TTN: variants seen among roughly 807,000 people sequenced by gnomAD.
The protein encoded by TTN is titin.
A neutral mutation model predicts 3,223.0 loss-of-function variants in TTN; 1,525 were observed. The observed-to-expected ratio is 0.47, with a 90% confidence interval of 0.45 to 0.49. The LOEUF (loss-of-function observed/expected upper bound fraction) is 0.49. Among genes scored for constraint, TTN ranks in the 20% least tolerant of loss-of-function variants. TTN has a pLI of 0.00. For synonymous variants in TTN, 14,094 were observed against 15,161.0 expected (o/e 0.93, Z 5.17); for missense variants, 40,786 against 43,424.0 (o/e 0.94, Z 5.40).
intron 125 of TTN, 26 bp downstream of exon 125, chr2:178,689,027 T>TTTATA: frequency 8.8e-7 from 1 of 1,131,070 alleles, no homozygotes; most frequent in South Asian, 1.5e-5. Flanking sequence ...TTTTTTTTTT[T>TTTATA]GTCAGAGGAT....
At chr2:178,781,087 T>C in intron 21 of TTN, 34 bp downstream of exon 21, 1 of 1,613,514 alleles carries the variant, frequency 6.2e-7, no homozygotes, top group Non-Finnish European at 8.5e-7. Context: ...ATTTCAGTTC[T>C]TATCATGCAC....
Position 178,543,166 on chromosome 2 carries a change from T to A in TTN, c.96807A>T (p.Glu32269Asp), listed in dbSNP as rs876658095. 2.5e-6 allele frequency: 4 copies of A among 1,613,580 alleles called. No individual in the cohort carries two copies. The highest frequency in any genetic ancestry group is 2.5e-6 in the Non-Finnish European group (3 of 1,179,614). ...TTATTCTAAATAAGTATTGTTCACC[T>A]TCATTTAAGGAAGTAACAGTGTGCT... is the stretch of plus-strand genomic sequence containing the variant. Reference protein sequence around the residue: ...VLEHTVTSLNEGEQYLFRIRA... With the variant: ...VLEHTVTSLNDGEQYLFRIRA... The change falls in exon 347 of 363, where the codon GAA (glutamate) becomes GAT (aspartate). Residue 32269 changes from glutamate to aspartate, a missense_variant. Transcript: ENST00000589042.
At chr2:178,795,298 G>A (rs2093707617) in intron 6 of TTN, 46 bp from the exon 7 acceptor site, 1 of 1,567,980 alleles carries the variant, frequency 6.4e-7, no homozygotes, top group Non-Finnish European at 8.8e-7. Context: ...GCAAGGAGGG[G>A]TAACTGGATG....
rs1178003589 is a variant in TTN at position 178,580,440 on chromosome 2, A to T, written c.66939T>A (p.Thr22313=). 1 of 1,613,258 alleles carries T rather than the reference A, an allele frequency of 6.2e-7. No homozygotes were observed. Among genetic ancestry groups the T allele is most frequent in the Non-Finnish European group, 8.5e-7 (1 of 1,179,484 alleles). ...CACAGCGCAAGAAAGTGTCAAAGTC[A>T]GTTGACTTTATGTCCAGTCCAATCC... ...RDRIGLDIKS[T]DFDTFLRCEN... Residue 22313 remains threonine, a synonymous_variant, in exon 317 of 363, where the codon ACT becomes ACA. Transcript: ENST00000589042.
intron 43 of TTN, among the ~76,000 whole-genome samples, chr2:178,762,171 G>A (rs2089391775): frequency 6.6e-6 from 1 of 152,126 alleles, no homozygotes; most frequent in Non-Finnish European, 1.5e-5. Context: ...CCTGGCCAGA[G>A]GAAGTTCTGT....
Position 178,749,414 on chromosome 2 carries a change from G to C in TTN, c.11311+3710C>G, listed in dbSNP as rs534431318. The C allele has an allele frequency of 5.0e-6, 8 of 1,613,036 alleles. No homozygotes were observed. The Admixed American group carries it at 5.0e-5, about 10-fold the overall frequency. On this transcript the variant is annotated intron_variant, in intron 47 of 362. Transcript: ENST00000589042. ...CACAAATCTGGGAATTTTTTCTCTA[G>C]AAGGTATGCAACGCACCTGCTCTTT... is the stretch of plus-strand genomic sequence containing the variant.
In TTN at chr2:178,560,749, A is replaced by G. The variant is rs886055235; in HGVS notation, c.85383T>C (p.Asn28461=). 10 of 1,613,636 alleles carry G rather than the reference A, an allele frequency of 6.2e-6. No homozygotes were observed. The African/African-American group carries it at 6.7e-5, about 11-fold the overall frequency. Residue 28461 remains asparagine, a synonymous_variant, in exon 326 of 363, where the codon AAT becomes AAC. Coordinates refer to ENST00000589042, the MANE Select transcript of TTN (RefSeq NM_001267550.2). ...GAGAGCATTTCTCAGCAGTGAGGCC[A>G]TTTATTTCAAGTGGTCCTGCTGGTG... is the stretch of plus-strand genomic sequence containing the variant. The part of the protein sequence containing the change: ...PGPPAGPLEI[N]GLTAEKCSLS...
chr2:178,635,330 A>C, intron 227 of TTN, 26 bp from the exon 228 acceptor site: 1 of 1,611,758 alleles, frequency 6.2e-7, no homozygotes, highest in African/African-American at 1.3e-5. Context: ...ATGAAGTAAC[A>C]TAATGCTTTA....
Position 178,776,748 on chromosome 2 carries a change from T to C in TTN, c.5116A>G (p.Lys1706Glu). Residue 1706 changes from lysine to glutamate, a missense_variant, in exon 28 of 363, where the codon AAG becomes GAG. Physicochemically the swap from Lys to Glu is moderately conservative, Grantham distance 56 (BLOSUM62 1). Transcript: ENST00000589042. ...AGTCTTAAGGAAGTGAGTTTTTTCT[T>C]GAAAAATGGTTTCTGTTGTTTCTCT... ...DKEKQQKPFF[K>E]KKLTSLRLKR... The C allele has an allele frequency of 5.6e-6, 9 of 1,614,118 alleles. No individual in the cohort carries two copies. Among genetic ancestry groups the C allele is most frequent in the Non-Finnish European group, 7.6e-6 (9 of 1,180,010 alleles).
chr2:178,698,952 T>A, intron 111 of TTN, 38 bp from the exon 112 acceptor site: 1 of 1,481,850 alleles, frequency 6.7e-7, no homozygotes, highest in Non-Finnish European at 8.9e-7. Flanking sequence ...GAAAAAATAT[T>A]TCTGGTGTAA....
At chr2:178,588,287 T>C (rs573090783) in intron 304 of TTN, 68 bp from the exon 305 acceptor site, 21 of 1,381,862 alleles carry the variant, frequency 1.5e-5, no homozygotes, top group Non-Finnish European at 2.0e-5. Flanking sequence ...TTATATAGCC[T>C]ATTCTCAGTT....
At chr2:178,671,410 G>A (rs2066947222) in intron 155 of TTN, among the ~76,000 whole-genome samples, 1 of 151,588 alleles carries the variant, frequency 6.6e-6, no homozygotes, top group Non-Finnish European at 1.5e-5. Flanking sequence ...GTTAATTTGT[G>A]CAAGATCTAG....
At chr2:178,770,039 A>T (rs1191709749) in intron 36 of TTN, 21 bp downstream of exon 36, 1 of 1,614,068 alleles carries the variant, frequency 6.2e-7, no homozygotes, top group Non-Finnish European at 8.5e-7. Context: ...AAAGGGCTGT[A>T]GGGGGCTGCC....
chr2:178,695,777 C>A, intron 114 of TTN, 88 bp downstream of exon 114: 1 of 1,070,492 alleles, frequency 9.3e-7, no homozygotes, highest in Non-Finnish European at 1.3e-6. Flanking sequence ...TTCACATAAA[C>A]TGCAAATCAG....
At position 178,562,640 on chromosome 2, in the gene TTN, T is replaced by C. The variant is rs758772714; in HGVS notation, c.83492A>G (p.Gln27831Arg). The C allele has an allele frequency of 3.1e-6, 5 of 1,602,934 alleles. No homozygotes were observed. Among genetic ancestry groups the C allele is most frequent in the Non-Finnish European group, 4.3e-6 (5 of 1,176,328 alleles). The change falls in exon 326 of 363, where the codon CAA (glutamine) becomes CGA (arginine). Residue 27831 changes from glutamine (Q) to arginine (R), a missense_variant. Physicochemically the swap from Gln to Arg is conservative, Grantham distance 43. Coordinates refer to ENST00000589042, the MANE Select transcript of TTN (RefSeq NM_001267550.2). ...TCGGAAGTAGTAAGAACATCCTTCT[T>C]GTAGATTTTCAATTCTGAAAGTAGT... Reference protein sequence around the residue: ...TKTTFRIENLQEGCSYYFRVL... With the variant: ...TKTTFRIENLREGCSYYFRVL...
chr2:178,653,169 C>T (rs1363002609), intron 198 of TTN, 45 bp from the exon 199 acceptor site: 2 of 1,610,910 alleles, frequency 1.2e-6, no homozygotes, highest in Non-Finnish European at 1.7e-6. Context: ...TTATGAAGAC[C>T]ACTGGAACAA....
At chr2:178,789,868 G>T in intron 12 of TTN, 110 bp downstream of exon 12, 1 of 1,441,558 alleles carries the variant, frequency 6.9e-7, no homozygotes, top group Non-Finnish European at 9.6e-7. Flanking sequence ...TTTTAGTTAG[G>T]GATTTTAAAA....
At position 178,799,675 on chromosome 2, in the gene TTN, A is replaced by G; in HGVS notation, c.726T>C (p.Asp242=). The part of the protein sequence containing the change: ...RSIATVEMVI[D]GAAGQQLPHK... ...GTGGCAGCTGTTGCCCAGCGGCACC[A>G]TCTATGACCATCTCAACTGTTGCAA... Residue 242 remains aspartate (D), a synonymous_variant, in exon 6 of 363, where the codon GAT becomes GAC. Transcript: ENST00000589042. 6.2e-7 allele frequency: 1 copy of G among 1,614,182 alleles called. No homozygotes were observed. Among genetic ancestry groups the G allele is most frequent in the South Asian group, 1.1e-5 (1 of 91,086 alleles).
chr2:178,800,044 A>G, intron 4 of TTN, 134 bp from the exon 5 acceptor site: 1 of 964,862 alleles, frequency 1.0e-6, no homozygotes, highest in South Asian at 1.6e-5. Context: ...AAAGTTTTGG[A>G]TTTTGCATGA....
Sources: gnomAD v4.1 joint callset for allele counts (sites outside exome capture counted in the v4.1 genomes callset) on GRCh38, gnomAD v4.1.1 for gene constraint, MANE v1.5 for transcripts, NCBI Gene and HGNC (gene_info 2026-07-23, HGNC 2026-07-21) for gene names.